CD36: variants seen among roughly 807,000 people sequenced by gnomAD.
CD36 encodes platelet glycoprotein 4.
In CD36, 119 loss-of-function variants were observed where a neutral mutation model predicts 55.2. The observed-to-expected ratio is 2.15, with a 90% CI of 1.86 to 2.51. The LOEUF is 2.51. CD36 is among the 30% of genes most tolerant of loss of function. CD36 has a pLI of 0.00. For missense variants in CD36, 819 were observed against 555.5 expected (o/e 1.47, Z -4.77); for synonymous variants, 186 against 193.6 (o/e 0.96, Z 0.33).
chr7:80,664,335 G>A, intron 6 of CD36, 71 bp from the exon 7 acceptor site: 1 of 807,740 alleles, frequency 1.2e-6, no homozygotes, highest in Admixed American at 1.7e-5. Flanking sequence ...AAATGTGAAA[G>A]TGAGTTATGT....
At chr7:80,631,499 G>A (rs1453937545) in intron 1 of CD36, among the ~76,000 whole-genome samples, 1 of 151,708 alleles carries the variant, frequency 6.6e-6, no homozygotes, top group African/African-American at 2.4e-5. Context: ...ATTATTCAAA[G>A]TTTAAATGTG....
upstream of CD36, among the ~76,000 whole-genome samples, chr7:80,635,053 T>C (rs1280979054): frequency 6.6e-6 from 1 of 152,154 alleles, no homozygotes; most frequent in Non-Finnish European, 1.5e-5. Context: ...TTACAAATGT[T>C]TTAAAATAAA....
chr7:80,671,880 G>C (rs758398319), intron 10 of CD36, 42 bp from the exon 11 acceptor site: 1 of 1,581,292 alleles, frequency 6.3e-7, no homozygotes, highest in South Asian at 1.1e-5. Flanking sequence ...GTGAAATGAA[G>C]GAAGTTATTA....
intron 1 of CD36, among the ~76,000 whole-genome samples, chr7:80,625,297 T>C (rs1338123441): frequency 6.6e-6 from 1 of 152,160 alleles, no homozygotes; most frequent in East Asian, 1.9e-4. Context: ...CACACATGAT[T>C]ATTTCTATTG....
chr7:80,635,958 G>C (rs1021331326), upstream of CD36, among the ~76,000 whole-genome samples: 1 of 152,088 alleles, frequency 6.6e-6, no homozygotes, highest in Non-Finnish European at 1.5e-5. Flanking sequence ...GTTCAGTGGT[G>C]AATTAAACAG....
chr7:80,667,754 T>TTG (rs1797250137), intron 8 of CD36, among the ~76,000 whole-genome samples: 1 of 128,726 alleles, frequency 7.8e-6, no homozygotes, highest in South Asian at 2.5e-4. Context: ...TTTGTTTTTT[T>TTG]TTTTTTTTTT....
intron 9 of CD36, 94 bp downstream of exon 9, chr7:80,670,116 CATGT>C: frequency 1.2e-6 from 1 of 802,522 alleles, no homozygotes; most frequent in Non-Finnish European, 2.2e-6. Context: ...GGAAATTCAT[CATGT>C]TTATTAACTA....
intron 13 of CD36, 37 bp from the exon 14 acceptor site, chr7:80,673,946 C>T (rs367722115): frequency 1.8e-5 from 28 of 1,542,012 alleles, no homozygotes; most frequent in African/African-American, 2.7e-5. Flanking sequence ...GTTTTACTAA[C>T]GTACCCAAAT....
chr7:80,673,717 T>C, intron 13 of CD36: 2 of 562,158 alleles, frequency 3.6e-6, no homozygotes, highest in South Asian at 4.4e-5. Flanking sequence ...AGGAAAAACA[T>C]TGAATAAGTC....
intron 1 of CD36, among the ~76,000 whole-genome samples, chr7:80,617,741 A>C (rs935878464): frequency 5.1e-4 from 77 of 152,190 alleles, no homozygotes; most frequent in African/African-American, 1.8e-3. Context: ...AAAAAAAAAA[A>C]AAAAATTGTT....
rs202080916 is a variant in CD36, at chr7:80,621,151, C to CT, written c.-184+18780dup. Among the ~76,000 whole-genome samples, 677 of 151,822 alleles carry CT rather than the reference C, an allele frequency of 4.5e-3. 2 individuals are homozygous for CT. Among genetic ancestry groups the CT allele is most frequent in the Non-Finnish European group, 6.6e-3 (446 of 67,922 alleles). On this transcript the variant is annotated intron_variant, in intron 1 of 13. Coordinates refer to the CD36 transcript ENST00000309881. Reference sequence around the variant, plus strand: ...GCAAAAAGATTATTATAATTGTTAGCTTTTTTTTAGCAATAAGGTATTTTA... The same window carrying CT: ...GCAAAAAGATTATTATAATTGTTAGCTTTTTTTTTAGCAATAAGGTATTTTA...
chr7:80,604,967 G>A (rs1273386366), intron 1 of CD36, among the ~76,000 whole-genome samples: 1 of 152,068 alleles, frequency 6.6e-6, no homozygotes, highest in Middle Eastern at 3.2e-3. Context: ...GTAACTTTAT[G>A]TAAAATGTAG....
At chr7:80,647,814 A>C (rs1186048038) in intron 3 of CD36, among the ~76,000 whole-genome samples, 2 of 152,150 alleles carry the variant, frequency 1.3e-5, no homozygotes, top group African/African-American at 4.8e-5. Flanking sequence ...TAAACATAAT[A>C]CTGGCCAAAT....
intron 1 of CD36, among the ~76,000 whole-genome samples, chr7:80,640,642 T>G (rs1222422398): frequency 1.3e-5 from 2 of 151,968 alleles, no homozygotes; most frequent in South Asian, 2.1e-4. Context: ...ACATTAGCAT[T>G]CTTGTCTAAG....
intron 12 of CD36, 90 bp downstream of exon 12, chr7:80,672,933 G>A (rs1797855665): frequency 3.6e-6 from 3 of 829,996 alleles, no homozygotes; most frequent in Middle Eastern, 3.1e-4. Flanking sequence ...GTAAGTAAGT[G>A]GAAATAACAT....
chr7:80,609,357 C>G (rs1792747904), intron 1 of CD36, among the ~76,000 whole-genome samples: 1 of 152,100 alleles, frequency 6.6e-6, no homozygotes, highest in African/African-American at 2.4e-5. Flanking sequence ...ATACCCTCTC[C>G]CACTCTGTAC....
intron 5 of CD36, 121 bp downstream of exon 5, chr7:80,661,331 T>C: frequency 2.1e-6 from 2 of 955,436 alleles, no homozygotes; most frequent in South Asian, 1.4e-5. Flanking sequence ...CGTATTCCTA[T>C]ATCATTATTT....
At chr7:80,654,929 T>A (rs546005556) in intron 3 of CD36, among the ~76,000 whole-genome samples, 6 of 151,036 alleles carry the variant, frequency 4.0e-5, no homozygotes, top group African/African-American at 1.5e-4. Flanking sequence ...GGAGGACTAG[T>A]CTAAGGGTCA....
At position 80,610,162 on chromosome 7, in the gene CD36, A is replaced by T. The variant is rs75590151; in HGVS notation, c.-184+7783A>T. On this transcript the variant is annotated intron_variant, in intron 1 of 13. Coordinates refer to the CD36 transcript ENST00000309881. ...ATCACAGTAGTTCTCAAAAATTGGC[A>T]TGAGAATGATAAAAAATGTTTAACT... Among the ~76,000 whole-genome samples the T allele has an allele frequency of 1.1e-3, 160 of 152,332 alleles. 3 individuals carry two copies. The East Asian group carries it at 0.028, about 27-fold the overall frequency.
Sources: gnomAD v4.1 joint callset for allele counts (sites outside exome capture counted in the v4.1 genomes callset) on GRCh38, gnomAD v4.1.1 for gene constraint, MANE v1.5 for transcripts, NCBI Gene and HGNC (gene_info 2026-07-23, HGNC 2026-07-21) for gene names.